SLCO1B3: variants seen among roughly 807,000 people sequenced by gnomAD.
SLCO1B3 encodes liver-specific organic anion transporter 2.
A neutral mutation model predicts 71.8 loss-of-function variants in SLCO1B3; 72 were observed. That is an observed-to-expected ratio of 1.00 (90% CI 0.83 to 1.22). The LOEUF is 1.22. SLCO1B3 is among the 50% of genes most tolerant of loss of function. The pLI is 0.00. For missense variants in SLCO1B3, 911 were observed against 819.7 expected (o/e 1.11, Z -1.36); for synonymous variants, 298 against 278.4 (o/e 1.07, Z -0.70).
chr12:20,915,739 A>G (rs964089228), intron 15 of SLCO1B3, among the ~76,000 whole-genome samples: 2 of 152,084 alleles, frequency 1.3e-5, no homozygotes, highest in African/African-American at 4.8e-5. Flanking sequence ...AGATGGCTTG[A>G]GGGGGCTGGA....
intron 11 of SLCO1B3, among the ~76,000 whole-genome samples, chr12:20,879,880 T>C (rs938492524): frequency 6.6e-6 from 1 of 152,090 alleles, no homozygotes; most frequent in African/African-American, 2.4e-5. Flanking sequence ...AAATGAGTGG[T>C]AGACACTTTT....
At chr12:20,840,360 C>T (rs1864768663) in intron 3 of SLCO1B3, among the ~76,000 whole-genome samples, 1 of 151,398 alleles carries the variant, frequency 6.6e-6, no homozygotes, top group Non-Finnish European at 1.5e-5. Context: ...ACCTCTGACT[C>T]TGGACCATAA....
At chr12:20,832,208 C>T (rs961377856) in intron 3 of SLCO1B3, among the ~76,000 whole-genome samples, 1 of 152,190 alleles carries the variant, frequency 6.6e-6, no homozygotes, top group Non-Finnish European at 1.5e-5. Context: ...GGTTTACGTG[C>T]ATGTGCGCAC....
chr12:20,825,760 C>A (rs10770744), intron 3 of SLCO1B3, among the ~76,000 whole-genome samples: 77,513 of 144,006 alleles, frequency 0.54, 21,199 homozygotes, highest in East Asian at 0.75. Flanking sequence ...GATTGTGGCA[C>A]TGCACTCCAG....
chr12:20,857,114 C>T (rs2900474), intron 4 of SLCO1B3, among the ~76,000 whole-genome samples: 110,173 of 152,034 alleles, frequency 0.72, 42,503 homozygotes, highest in South Asian at 0.9. Context: ...TAAAAATATT[C>T]ATCTACTGTT....
intron 13 of SLCO1B3, among the ~76,000 whole-genome samples, chr12:20,898,136 G>A (rs1866052513): frequency 6.6e-6 from 1 of 152,058 alleles, no homozygotes; most frequent in South Asian, 2.1e-4. Context: ...TTCTTCATAA[G>A]CATAATAAAG....
intron 15 of SLCO1B3, among the ~76,000 whole-genome samples, chr12:20,903,367 C>G (rs1477948583): frequency 6.6e-6 from 1 of 152,144 alleles, no homozygotes; most frequent in East Asian, 1.9e-4. Flanking sequence ...ATGTTACATT[C>G]ATATAGTGGA....
Position 20,855,122 on chromosome 12 carries a change from A to T in SLCO1B3, c.179A>T (p.Asp60Val). ...ATCACTCAAATAGAAAGGAGATTTG[A>T]CATATCCTCTTCTCTTGCTGGTTTA... is the stretch of plus-strand genomic sequence containing the variant. ...ISITQIERRF[D>V]ISSSLAGLID... is the part of the protein sequence containing the mutation. The change falls in exon 4 of 16, where the codon GAC (aspartate) becomes GTC (valine). Residue 60 changes from aspartate (D) to valine (V), a missense_variant. Asp to Val is a radical substitution (Grantham distance 152). Coordinates refer to ENST00000381545, the MANE Select transcript of SLCO1B3 (RefSeq NM_019844.4). The T allele has an allele frequency of 1.2e-6, 2 of 1,612,390 alleles. No individual in the cohort carries two copies. Among genetic ancestry groups the T allele is most frequent in the South Asian group, 2.2e-5 (2 of 90,992 alleles).
intron 10 of SLCO1B3, 54 bp from the exon 11 acceptor site, chr12:20,879,382 T>C (rs1865645450): frequency 2.4e-6 from 3 of 1,274,450 alleles, no homozygotes; most frequent in African/African-American, 1.5e-5. Flanking sequence ...TAAAGACATA[T>C]CAGAAAAACC....
chr12:20,896,952 ACT>A lies in SLCO1B3; in HGVS notation c.1683-1481_1683-1480del, dbSNP rs545510448. Among the ~76,000 whole-genome samples, 391 of 152,050 alleles carry A rather than the reference ACT, an allele frequency of 2.6e-3. 1 individual carries two copies. The highest frequency in any genetic ancestry group is 4.2e-3 in the Non-Finnish European group (286 of 67,984). ...AAGCAAGGAGAGTTTGTGCAGGAAA[ACT>A]CTGACTTACAAAGCCATCAGATCTT... On this transcript the variant is annotated intron_variant, in intron 13 of 15. Coordinates refer to ENST00000381545, the MANE Select transcript of SLCO1B3 (RefSeq NM_019844.4).
chr12:20,898,318 T>C, intron 13 of SLCO1B3, 118 bp from the exon 14 acceptor site: 1 of 648,422 alleles, frequency 1.5e-6, no homozygotes, highest in Non-Finnish European at 2.8e-6. Flanking sequence ...ACGTGGGAAA[T>C]TCACTTAAGA....
intron 1 of SLCO1B3, among the ~76,000 whole-genome samples, chr12:20,811,236 T>C (rs1344788579): frequency 1.3e-5 from 2 of 152,174 alleles, no homozygotes; most frequent in Non-Finnish European, 2.9e-5. Context: ...CACCTCACTT[T>C]CCTCCATTCA....
chr12:20,881,066 C>T, intron 12 of SLCO1B3, 46 bp downstream of exon 12: 1 of 1,356,936 alleles, frequency 7.4e-7, no homozygotes, highest in Non-Finnish European at 1.0e-6. Flanking sequence ...ATCAAAATCA[C>T]AGATTTGATT....
chr12:20,901,514 A>T, intron 15 of SLCO1B3, 47 bp downstream of exon 15: 1 of 976,480 alleles, frequency 1.0e-6, no homozygotes, highest in Non-Finnish European at 1.5e-6. Context: ...TTCTTTGTCT[A>T]TGTTAATGTC....
chr12:20,864,261 A>G (rs1255797676), intron 8 of SLCO1B3, among the ~76,000 whole-genome samples: 1 of 151,806 alleles, frequency 6.6e-6, no homozygotes, highest in Non-Finnish European at 1.5e-5. Context: ...GCATGCCTTT[A>G]TTGTAGCCCT....
chr12:20,817,117 G>T (rs1402097387), intron 3 of SLCO1B3, among the ~76,000 whole-genome samples: 1 of 152,146 alleles, frequency 6.6e-6, no homozygotes, highest in Non-Finnish European at 1.5e-5. Context: ...TGACAGATGG[G>T]TAGTTTACAA....
intron 3 of SLCO1B3, among the ~76,000 whole-genome samples, chr12:20,848,837 GAAGA>G (rs776817254): frequency 1.1e-4 from 16 of 152,050 alleles, no homozygotes; most frequent in East Asian, 1.9e-4. Flanking sequence ...AGGAAGAGAG[GAAGA>G]AAGAAAGAAA....
intron 13 of SLCO1B3, among the ~76,000 whole-genome samples, chr12:20,886,469 C>T (rs1180566239): frequency 6.6e-6 from 1 of 151,936 alleles, no homozygotes; most frequent in Non-Finnish European, 1.5e-5. Flanking sequence ...GGAGAGGACA[C>T]TAAAGGAAAC....
At chr12:20,824,304 A>G (rs1397607845) in intron 3 of SLCO1B3, among the ~76,000 whole-genome samples, 1 of 152,202 alleles carries the variant, frequency 6.6e-6, no homozygotes, top group Non-Finnish European at 1.5e-5. Context: ...AATTAACTCC[A>G]TGTTCTGCTC....
Sources: allele counts gnomAD v4.1 joint callset (sites outside exome capture counted in the v4.1 genomes callset), GRCh38; gene constraint gnomAD v4.1.1; transcripts MANE v1.5; gene names NCBI Gene and HGNC (gene_info 2026-07-23, HGNC 2026-07-21).